CTNND2: variants seen among roughly 807,000 people sequenced by gnomAD.
CTNND2 encodes the protein catenin delta-2.
CTNND2 carries 22 observed loss-of-function variants against 144.4 expected under a neutral mutation model. That is an observed-to-expected ratio of 0.15 (90% CI 0.11 to 0.22). The LOEUF is 0.22. Among genes scored for constraint, CTNND2 ranks in the 10% least tolerant of loss-of-function variants. The probability of loss-of-function intolerance (pLI) is 1.00; values close to 1 mark genes in which losing one functional copy is unlikely to be tolerated. For synonymous variants in CTNND2, 751 were observed against 695.6 expected (o/e 1.08, Z -1.25); for missense variants, 1,353 against 1,618.8 (o/e 0.84, Z 2.82).
At chr5:11,282,940 G>C (rs553871529) in intron 9 of CTNND2, among the ~76,000 whole-genome samples, 2 of 152,112 alleles carry the variant, frequency 1.3e-5, no homozygotes, top group Non-Finnish European at 2.9e-5. Flanking sequence ...AACTTGCCTC[G>C]TTCTAGCACT....
chr5:11,069,235 C>A (rs1461205516), intron 16 of CTNND2, among the ~76,000 whole-genome samples: 3 of 152,178 alleles, frequency 2.0e-5, no homozygotes, highest in African/African-American at 7.2e-5. Flanking sequence ...GTGTTGTACA[C>A]AGCATTCCTT....
intron 9 of CTNND2, among the ~76,000 whole-genome samples, chr5:11,302,891 C>T (rs1341736861): frequency 1.3e-5 from 2 of 152,172 alleles, no homozygotes; most frequent in African/African-American, 4.8e-5. Context: ...ATTTCAGATA[C>T]CCTTTCTCCT....
intron 9 of CTNND2, among the ~76,000 whole-genome samples, chr5:11,304,321 C>T (rs1364657264): frequency 6.9e-6 from 1 of 144,866 alleles, no homozygotes; most frequent in Non-Finnish European, 1.6e-5. Context: ...GGACACACCA[C>T]ACACACACAC....
intron 1 of CTNND2, among the ~76,000 whole-genome samples, chr5:11,819,831 G>A (rs901994375): frequency 1.3e-5 from 2 of 152,154 alleles, no homozygotes; most frequent in African/African-American, 4.8e-5. Flanking sequence ...GGTGGCAGAG[G>A]AGCTCTAAAC....
At chr5:11,584,315 G>A (rs1339597545) in intron 2 of CTNND2, among the ~76,000 whole-genome samples, 1 of 151,842 alleles carries the variant, frequency 6.6e-6, no homozygotes. Flanking sequence ...AGGCGGAAAG[G>A]ATGCAGAAAG....
intron 7 of CTNND2, among the ~76,000 whole-genome samples, chr5:11,368,414 C>A (rs759574781): frequency 6.6e-6 from 1 of 151,956 alleles, no homozygotes; most frequent in Non-Finnish European, 1.5e-5. Flanking sequence ...GTTGGGGGAG[C>A]GAGGAAAGGG....
chr5:11,183,598 C>T (rs1380949078), intron 11 of CTNND2, among the ~76,000 whole-genome samples: 2 of 150,438 alleles, frequency 1.3e-5, no homozygotes, highest in South Asian at 2.1e-4. Context: ...GCTCCTGTTG[C>T]CCAGGCTAGA....
chr5:11,384,173 T>TTATTAATTATTA lies in CTNND2; in HGVS notation c.1177+491_1177+492insTAATAATTAATA, dbSNP rs1174596802. On this transcript the variant is annotated intron_variant, in intron 7 of 21. Transcript: ENST00000304623. This position sits in a 1 kb window ranked among gnomAD's most constrained non-coding sequence, Gnocchi z 5.2. ...ACAAAAGGGTAATAATTCAAGGCAA[T>TTATTAATTATTA]TCATTATTAATTATTTCCCCACTAC... Among the ~76,000 whole-genome samples the TTATTAATTATTA allele has an allele frequency of 2.0e-5, 3 of 152,138 alleles. No homozygotes were observed. Among genetic ancestry groups the TTATTAATTATTA allele is most frequent in the Middle Eastern group, 3.2e-3 (1 of 316 alleles).
intron 1 of CTNND2, among the ~76,000 whole-genome samples, chr5:11,815,124 G>A (rs975042717): frequency 3.9e-5 from 6 of 152,042 alleles, no homozygotes; most frequent in African/African-American, 1.4e-4. Flanking sequence ...AGAGACAACA[G>A]ATATCACTAA....
intron 16 of CTNND2, among the ~76,000 whole-genome samples, chr5:11,069,316 A>G (rs561257113): frequency 1.4e-4 from 21 of 152,302 alleles, no homozygotes; most frequent in African/African-American, 4.8e-4. Flanking sequence ...GCAAAAATAA[A>G]TCTAGAGCAC....
chr5:11,419,496 T>C (rs527329212), intron 3 of CTNND2, among the ~76,000 whole-genome samples: 3 of 152,358 alleles, frequency 2.0e-5, no homozygotes, highest in Non-Finnish European at 2.9e-5. Context: ...CTAACTTCTT[T>C]TTCCATTTCA....
At chr5:11,305,132 C>T (rs1264829170) in intron 9 of CTNND2, among the ~76,000 whole-genome samples, 2 of 152,216 alleles carry the variant, frequency 1.3e-5, no homozygotes, top group Non-Finnish European at 2.9e-5. Flanking sequence ...TCTTACTACA[C>T]ACAAAACATT....
In CTNND2 at chr5:11,478,836, A is replaced by G. The variant is rs16901661; in HGVS notation, c.288-66767T>C. On this transcript the variant is annotated intron_variant, in intron 3 of 21. Coordinates refer to ENST00000304623, the MANE Select transcript of CTNND2 (RefSeq NM_001332.4). ...AATCTGAATATAAAGAAATTCATCA[A>G]TTATTAGATTTAAGGTTAAGAGACG... Among the ~76,000 whole-genome samples the G allele has an allele frequency of 6.2e-3, 940 of 152,262 alleles. 5 individuals are homozygous for G. The highest frequency in any genetic ancestry group is 0.017 in the African/African-American group (726 of 41,554).
chr5:11,826,036 C>T (rs1218680438), intron 1 of CTNND2, among the ~76,000 whole-genome samples: 11 of 151,762 alleles, frequency 7.2e-5, no homozygotes, highest in Admixed American at 5.3e-4. Flanking sequence ...AGGAGTAAAT[C>T]GAGATATACA....
chr5:11,821,301 T>C (rs376167615), intron 1 of CTNND2, among the ~76,000 whole-genome samples: 168 of 152,294 alleles, frequency 1.1e-3, no homozygotes, highest in African/African-American at 3.9e-3. Flanking sequence ...AAATGTGTAG[T>C]CTGTACAGTG....
At chr5:11,173,751 A>C (rs1760182004) in intron 11 of CTNND2, among the ~76,000 whole-genome samples, 1 of 152,222 alleles carries the variant, frequency 6.6e-6, no homozygotes, top group Non-Finnish European at 1.5e-5. Flanking sequence ...TTAAAACTTA[A>C]GATGAAATTC....
intron 11 of CTNND2, among the ~76,000 whole-genome samples, chr5:11,177,585 T>A (rs1461428136): frequency 6.6e-6 from 1 of 152,072 alleles, no homozygotes; most frequent in Non-Finnish European, 1.5e-5. Flanking sequence ...CTTTTACCTA[T>A]CACCTCCTGG....
intron 19 of CTNND2, 48 bp downstream of exon 19, chr5:10,992,503 G>T (rs757057783): frequency 1.2e-6 from 2 of 1,611,996 alleles, no homozygotes; most frequent in Non-Finnish European, 1.7e-6. Context: ...GACCGTCTTT[G>T]CTCAACGAGA....
chr5:11,490,896 G>A (rs1769324325), intron 3 of CTNND2, among the ~76,000 whole-genome samples: 1 of 152,156 alleles, frequency 6.6e-6, no homozygotes, highest in East Asian at 1.9e-4. Context: ...GCTGAGGTGG[G>A]AGGATCACTT....
Sources: allele counts gnomAD v4.1 joint callset (sites outside exome capture counted in the v4.1 genomes callset), GRCh38; gene constraint gnomAD v4.1.1; non-coding constraint Gnocchi (gnomAD v3.1); transcripts MANE v1.5; gene names NCBI Gene and HGNC (gene_info 2026-07-23, HGNC 2026-07-21).